Variants in KIAA0825 observed in about 807,000 individuals in gnomAD.
KIAA0825 encodes the protein KIAA0825, also known as uncharacterized protein KIAA0825.
A neutral mutation model predicts 147.6 loss-of-function variants in KIAA0825; 119 were observed. The ratio of observed to expected loss-of-function variants is 0.81; its 90% CI spans 0.69 to 0.94. The LOEUF is 0.94. KIAA0825 is among the 40% of genes least tolerant of loss of function. KIAA0825 has a pLI of 0.00. For synonymous variants in KIAA0825, 470 were observed against 518.1 expected, an observed-to-expected ratio of 0.91 and a Z score of 1.26; for missense variants, 1,381 against 1,472.7, an observed-to-expected ratio of 0.94 and a Z score of 1.02.
At position 94,513,946 on chromosome 5, in the gene KIAA0825, T is replaced by G. The variant is rs192571864; in HGVS notation, c.970+6302A>C. Among the ~76,000 whole-genome samples, 268 of 152,286 alleles carry G rather than the reference T, an allele frequency of 1.8e-3. 1 individual carries two copies. Among genetic ancestry groups the G allele is most frequent in the African/African-American group, 5.8e-3 (242 of 41,580 alleles). Reference sequence around the variant, plus strand: ...GTGGGAAGATGCTTCTTGTCTAATCTTAATTTTGCAGCTAACTTGATTTGT... The same window carrying G: ...GTGGGAAGATGCTTCTTGTCTAATCGTAATTTTGCAGCTAACTTGATTTGT... On this transcript the variant is annotated intron_variant, in intron 5 of 20. Coordinates refer to ENST00000682413, the MANE Select transcript of KIAA0825 (RefSeq NM_001145678.3).
intron 20 of KIAA0825, among the ~76,000 whole-genome samples, chr5:94,247,630 G>T (rs1775699307): frequency 6.6e-6 from 1 of 152,032 alleles, no homozygotes. Context: ...TGCTGTCATT[G>T]TCTGTCCAAC....
intron 14 of KIAA0825, among the ~76,000 whole-genome samples, chr5:94,421,153 T>G (rs1313847210): frequency 6.6e-6 from 1 of 152,214 alleles, no homozygotes. Flanking sequence ...AGCCATTTGG[T>G]CTGTGTCTTA....
chr5:94,318,640 A>G (rs1779876374), intron 20 of KIAA0825, among the ~76,000 whole-genome samples: 1 of 151,908 alleles, frequency 6.6e-6, no homozygotes, highest in South Asian at 2.1e-4. Flanking sequence ...ACAGATGCAA[A>G]TTTATTTCCT....
chr5:94,386,372 ATT>A lies in KIAA0825; in HGVS notation c.3487_3488del (p.Asn1163Ter). 6.4e-7 allele frequency: 1 copy of A among 1,550,530 alleles called. No individual in the cohort carries two copies. The highest frequency in any genetic ancestry group is 8.7e-7 in the Non-Finnish European group (1 of 1,146,514). On this transcript the variant is annotated frameshift_variant, in exon 19 of 21. Coordinates refer to ENST00000682413, the MANE Select transcript of KIAA0825 (RefSeq NM_001145678.3). LOFTEE classifies it high-confidence loss of function. ...EYLKEQLFSM[N>X]SSEEKPLPIR... is the part of the protein sequence containing the mutation. ...TGGGTAATGGCTTTTCCTCTGAACT[ATT>A]CATAGAAAACAGCTGTTCTTTTAAA...
chr5:94,469,506 A>G (rs1003854066), intron 10 of KIAA0825, among the ~76,000 whole-genome samples: 3 of 152,204 alleles, frequency 2.0e-5, no homozygotes, highest in Non-Finnish European at 4.4e-5. Flanking sequence ...ATAAGAACAT[A>G]TGATGAGAAG....
intron 20 of KIAA0825, among the ~76,000 whole-genome samples, chr5:94,208,072 A>T (rs1772369578): frequency 6.6e-6 from 1 of 152,120 alleles, no homozygotes; most frequent in Non-Finnish European, 1.5e-5. Context: ...AAGGTCATTT[A>T]TTTTTTCCAG....
intron 3 of KIAA0825, among the ~76,000 whole-genome samples, chr5:94,529,474 A>G (rs2151285774): frequency 6.7e-6 from 1 of 149,710 alleles, no homozygotes; most frequent in East Asian, 1.9e-4. Context: ...TATTGTGTGT[A>G]TATAGATACA....
intron 20 of KIAA0825, among the ~76,000 whole-genome samples, chr5:94,288,802 C>A (rs6859083): frequency 6.6e-6 from 1 of 151,996 alleles, no homozygotes; most frequent in Admixed American, 6.6e-5. Context: ...GTTTTGTGCT[C>A]GTCAAGAGTT....
intron 20 of KIAA0825, among the ~76,000 whole-genome samples, chr5:94,324,288 A>T (rs1410177150): frequency 6.6e-6 from 1 of 152,052 alleles, no homozygotes; most frequent in African/African-American, 2.4e-5. Context: ...AGAAGGATGG[A>T]TTGGGATTCT....
chr5:94,328,952 A>C (rs186417661), intron 20 of KIAA0825, among the ~76,000 whole-genome samples: 4 of 152,238 alleles, frequency 2.6e-5, no homozygotes, highest in Non-Finnish European at 4.4e-5. Context: ...TTCTAAAGTA[A>C]ATTTTATTGT....
At chr5:94,271,550 C>T (rs1390885450) in intron 20 of KIAA0825, among the ~76,000 whole-genome samples, 1 of 152,136 alleles carries the variant, frequency 6.6e-6, no homozygotes, top group Non-Finnish European at 1.5e-5. Flanking sequence ...GAGTTCGAGA[C>T]CTGCCTGGCC....
At chr5:94,573,453 G>A (rs981422193) in intron 2 of KIAA0825, among the ~76,000 whole-genome samples, 6 of 152,002 alleles carry the variant, frequency 3.9e-5, no homozygotes, top group African/African-American at 1.2e-4. Flanking sequence ...TGTATTTTGA[G>A]TAGAGACAGA....
intron 20 of KIAA0825, among the ~76,000 whole-genome samples, chr5:94,203,245 G>A (rs1046386094): frequency 2.0e-5 from 3 of 152,144 alleles, no homozygotes; most frequent in South Asian, 2.1e-4. Flanking sequence ...TTTCTCTCAG[G>A]TGTAGTAACC....
intron 20 of KIAA0825, among the ~76,000 whole-genome samples, chr5:94,337,710 C>G (rs1017186356): frequency 6.6e-6 from 1 of 152,096 alleles, no homozygotes; most frequent in Non-Finnish European, 1.5e-5. Flanking sequence ...TAGACCATTT[C>G]CAGAACTGAA....
At chr5:94,325,588 T>C (rs1324397227) in intron 20 of KIAA0825, among the ~76,000 whole-genome samples, 2 of 151,978 alleles carry the variant, frequency 1.3e-5, no homozygotes, top group African/African-American at 4.8e-5. Flanking sequence ...ATAGAAAATA[T>C]ATAAAAATTC....
At chr5:94,477,076 G>GTGAAT in intron 7 of KIAA0825, 35 bp downstream of exon 7, 1 of 1,392,320 alleles carries the variant, frequency 7.2e-7, no homozygotes, top group Non-Finnish European at 1.0e-6. Context: ...GATATTATAT[G>GTGAAT]TGAATTATAA....
chr5:94,534,636 C>T (rs1771596635), intron 3 of KIAA0825, among the ~76,000 whole-genome samples: 1 of 152,044 alleles, frequency 6.6e-6, no homozygotes, highest in African/African-American at 2.4e-5. Context: ...GACCTAATAA[C>T]TATTTTTTAA....
At chr5:94,498,654 T>C (rs905540405) in intron 5 of KIAA0825, among the ~76,000 whole-genome samples, 9 of 152,208 alleles carry the variant, frequency 5.9e-5, no homozygotes, top group African/African-American at 2.2e-4. Context: ...AGAACAAAGA[T>C]GTCACTTCTA....
At chr5:94,234,037 G>A (rs1774885588) in intron 20 of KIAA0825, among the ~76,000 whole-genome samples, 2 of 152,190 alleles carry the variant, frequency 1.3e-5, no homozygotes, top group Non-Finnish European at 2.9e-5. Context: ...GTTGGTAATC[G>A]GCGATATTCA....
Sources: gnomAD v4.1 joint callset for allele counts (sites outside exome capture counted in the v4.1 genomes callset) on GRCh38, gnomAD v4.1.1 for gene constraint, MANE v1.5 for transcripts, NCBI Gene and HGNC (gene_info 2026-07-23, HGNC 2026-07-21) for gene names.